MBNL1: variants seen among roughly 807,000 people sequenced by gnomAD.
MBNL1 encodes the protein muscleblind like splicing regulator 1, also known as muscleblind-like protein 1.
A neutral mutation model predicts 42.2 loss-of-function variants in MBNL1; 8 were observed. That is an observed-to-expected ratio of 0.19 (90% CI 0.11 to 0.34). The LOEUF is 0.34. Ranked by LOEUF, MBNL1 falls within the 10% of genes least tolerant of loss-of-function variation. MBNL1 has a pLI of 1.00. For synonymous variants in MBNL1, 169 were observed against 173.9 expected, an observed-to-expected ratio of 0.97 and a Z score of 0.22; for missense variants, 309 against 495.3, an observed-to-expected ratio of 0.62 and a Z score of 3.57.
chr3:152,430,407 A>G (rs1488550069), intron 3 of MBNL1, among the ~76,000 whole-genome samples: 1 of 152,244 alleles, frequency 6.6e-6, no homozygotes. Context: ...ATAGTAAAAG[A>G]ATGCAAAGAG....
intron 3 of MBNL1, among the ~76,000 whole-genome samples, chr3:152,425,608 A>AG (rs971054040): frequency 6.7e-6 from 1 of 149,604 alleles, no homozygotes; most frequent in Non-Finnish European, 1.5e-5. Context: ...GATCTGTCTC[A>AG]GAAAAAAAAA....
At chr3:152,440,109 G>C (rs968662971) in intron 4 of MBNL1, among the ~76,000 whole-genome samples, 2 of 152,190 alleles carry the variant, frequency 1.3e-5, no homozygotes, top group African/African-American at 2.4e-5. Context: ...AAGCATGCTT[G>C]TGTTTTCTGG....
intron 2 of MBNL1, among the ~76,000 whole-genome samples, chr3:152,343,787 A>G (rs1048345511): frequency 1.3e-5 from 2 of 152,180 alleles, no homozygotes; most frequent in African/African-American, 4.8e-5. Flanking sequence ...TTGTAAGCAG[A>G]TGACATATTT....
rs1410779313 is a variant in MBNL1, at chr3:152,462,829, T to C, written c.*463T>C. On this transcript the variant is annotated 3_prime_UTR_variant, in exon 10 of 10. Transcript: ENST00000324210. ...GTTTACAAATAACAAAGGTGCACCT[T>C]GTATTTAAAATTGCCATTATAGATG... 1 of 152,334 alleles carries C rather than the reference T, an allele frequency of 6.6e-6. No homozygotes were observed. The highest frequency in any genetic ancestry group is 1.5e-5 in the Non-Finnish European group (1 of 67,994). The allele number at this position is 152,334 out of a possible 1,614,324, so 9.4% of individuals were successfully genotyped here. A position where few individuals can be genotyped will look rare whatever the true frequency, so the allele number is the denominator to read the frequency against.
intron 1 of MBNL1, 48 bp downstream of exon 1, chr3:152,269,140 C>A: frequency 4.5e-6 from 2 of 439,580 alleles, no homozygotes; most frequent in South Asian, 1.6e-5. Flanking sequence ...ATTGTTCGGA[C>A]TCCGGCGGGT....
At chr3:152,255,945 C>G (rs1483728660) in intron 2 of MBNL1, among the ~76,000 whole-genome samples, 3 of 152,048 alleles carry the variant, frequency 2.0e-5, no homozygotes, top group African/African-American at 4.8e-5. Flanking sequence ...GCCTGGGTCT[C>G]AAAGGATGGT....
At chr3:152,310,715 A>G (rs2065867709) in intron 2 of MBNL1, among the ~76,000 whole-genome samples, 1 of 152,154 alleles carries the variant, frequency 6.6e-6, no homozygotes, top group Non-Finnish European at 1.5e-5. Context: ...TTAAAATTTT[A>G]ACTAATATTC....
intron 2 of MBNL1, among the ~76,000 whole-genome samples, chr3:152,388,258 T>C (rs954435626): frequency 2.0e-5 from 3 of 152,172 alleles, no homozygotes; most frequent in Admixed American, 2.0e-4. Context: ...AAGATATCTT[T>C]GTTGACTGTT....
At chr3:152,321,537 C>T (rs2076493077) in intron 2 of MBNL1, among the ~76,000 whole-genome samples, 1 of 152,018 alleles carries the variant, frequency 6.6e-6, no homozygotes, top group Non-Finnish European at 1.5e-5. Flanking sequence ...TGAAGCAATA[C>T]TTAATGTCTT....
intron 2 of MBNL1, among the ~76,000 whole-genome samples, chr3:152,384,733 A>C (rs1170435732): frequency 6.6e-6 from 1 of 152,110 alleles, no homozygotes; most frequent in Non-Finnish European, 1.5e-5. Flanking sequence ...AAAACTTTGA[A>C]ATCTTAATTT....
chr3:152,374,356 A>G (rs1285806038), intron 2 of MBNL1, among the ~76,000 whole-genome samples: 6 of 152,168 alleles, frequency 3.9e-5, no homozygotes, highest in Admixed American at 2.0e-4. Context: ...GACCTGATGA[A>G]AACTGCTCTG....
At chr3:152,387,240 TA>T (rs1170699738) in intron 2 of MBNL1, among the ~76,000 whole-genome samples, 14 of 123,628 alleles carry the variant, frequency 1.1e-4, no homozygotes, top group Non-Finnish European at 2.1e-4. Context: ...CCAGTCTGTG[TA>T]TTTTTTTTTT....
At chr3:152,306,731 T>C (rs1383526194) in intron 2 of MBNL1, among the ~76,000 whole-genome samples, 1 of 152,212 alleles carries the variant, frequency 6.6e-6, no homozygotes, top group Non-Finnish European at 1.5e-5. Flanking sequence ...GGGCCATTTC[T>C]GGAATAAAAG....
intron 2 of MBNL1, among the ~76,000 whole-genome samples, chr3:152,396,454 G>C (rs1006125631): frequency 1.3e-5 from 2 of 152,050 alleles, no homozygotes; most frequent in Non-Finnish European, 2.9e-5. Context: ...ATTTGCTACT[G>C]TGTGATCTTA....
At chr3:152,340,467 ATG>A in intron 2 of MBNL1, 6 of 1,509,136 alleles carry the variant, frequency 4.0e-6, no homozygotes, top group Non-Finnish European at 5.3e-6. Flanking sequence ...ATATCAGACT[ATG>A]TGAATTTATA....
chr3:152,247,633 G>C (rs1181981212), intron 2 of MBNL1, among the ~76,000 whole-genome samples: 2 of 151,644 alleles, frequency 1.3e-5, no homozygotes, highest in Admixed American at 1.3e-4. Context: ...AATTAGTATA[G>C]TTCTGTTATT....
At chr3:152,304,535 ATC>A (rs142264566) in intron 2 of MBNL1, among the ~76,000 whole-genome samples, 79 of 152,306 alleles carry the variant, frequency 5.2e-4, no homozygotes, top group African/African-American at 1.9e-3. Flanking sequence ...AACCACTGGT[ATC>A]TCCCATGTAT....
intron 4 of MBNL1, among the ~76,000 whole-genome samples, chr3:152,439,928 A>G (rs1469618520): frequency 6.6e-6 from 1 of 152,210 alleles, no homozygotes; most frequent in African/African-American, 2.4e-5. Flanking sequence ...CTTGTTTCAA[A>G]GTTGTGTCTA....
In MBNL1 at chr3:152,460,175, G is replaced by A. The variant is rs537560219; in HGVS notation, c.*18+830G>A. ...AGGCTAAAGTGGGAGGATCACTTGA[G>A]CCCAGGAGGTTGAGGCTGCAATGAG... On this transcript the variant is annotated intron_variant, in intron 9 of 9. Transcript: ENST00000324210. Among the ~76,000 whole-genome samples the A allele has an allele frequency of 2.0e-5, 3 of 151,692 alleles. No homozygotes were observed. In the East Asian group the frequency reaches 5.8e-4, roughly 29 times the overall value.
Sources: allele counts gnomAD v4.1 joint callset (sites outside exome capture counted in the v4.1 genomes callset), GRCh38; gene constraint gnomAD v4.1.1; transcripts MANE v1.5; gene names NCBI Gene and HGNC (gene_info 2026-07-23, HGNC 2026-07-21).